The following COL23A1 variants were observed in gnomAD, a reference collection of about 807,000 sequenced individuals.
COL23A1 encodes the protein collagen type XXIII alpha 1 chain.
A neutral mutation model predicts 99.3 loss-of-function variants in COL23A1; 97 were observed. The observed-to-expected ratio is 0.98, with a 90% CI of 0.83 to 1.16. COL23A1 has a LOEUF of 1.16. Among genes scored for constraint, COL23A1 ranks in the 50% most tolerant of loss-of-function variants. The pLI is 0.00. For synonymous variants in COL23A1, 320 were observed against 308.2 expected, an observed-to-expected ratio of 1.04 and a Z score of -0.40; for missense variants, 762 against 757.4, an observed-to-expected ratio of 1.01 and a Z score of -0.07.
At chr5:178,454,535 G>A (rs1242889207) in intron 2 of COL23A1, among the ~76,000 whole-genome samples, 1 of 152,180 alleles carries the variant, frequency 6.6e-6, no homozygotes, top group Non-Finnish European at 1.5e-5. Context: ...TCCTGGCAAG[G>A]CATTTAACAT....
chr5:178,588,331 C>T (rs1480663953), intron 1 of COL23A1, among the ~76,000 whole-genome samples: 2 of 152,178 alleles, frequency 1.3e-5, no homozygotes, highest in African/African-American at 4.8e-5. Flanking sequence ...AAAATAGACA[C>T]AATTTGTAGT....
chr5:178,265,747 GT>G (rs1484653362), intron 8 of COL23A1: 1 of 982,296 alleles, frequency 1.0e-6, no homozygotes, highest in East Asian at 1.1e-4. Flanking sequence ...GATAGGTTGT[GT>G]GGTCAGAAAG....
chr5:178,365,136 C>CGT lies in COL23A1; in HGVS notation c.362-58219_362-58218dup, dbSNP rs55995523. Among the ~76,000 whole-genome samples the CGT allele has an allele frequency of 0.022, 3,197 of 147,864 alleles. 57 individuals carry two copies. Among genetic ancestry groups the CGT allele is most frequent in the African/African-American group, 0.048 (1,945 of 40,168 alleles). On this transcript the variant is annotated intron_variant, in intron 2 of 28. Coordinates refer to ENST00000390654, the MANE Select transcript of COL23A1 (RefSeq NM_173465.4). The surrounding 1 kb of genome is among the most constrained non-coding windows in gnomAD (Gnocchi z 5.2). The stretch of plus-strand genomic sequence containing the variant: ...GGGCTTTATGATGTTGCTGTGTGTG[C>CGT]GTGTGTGTGTGTGTGTGTGTGTGTG...
At chr5:178,575,248 A>C (rs60235494) in intron 1 of COL23A1, among the ~76,000 whole-genome samples, 20,915 of 152,140 alleles carry the variant, frequency 0.14, 2,003 homozygotes, top group East Asian at 0.39. Context: ...CACAAAACTA[A>C]GGGATAATTG....
At chr5:178,305,649 C>G (rs1168185233) in intron 3 of COL23A1, among the ~76,000 whole-genome samples, 1 of 151,944 alleles carries the variant, frequency 6.6e-6, no homozygotes, top group Non-Finnish European at 1.5e-5. Context: ...GGTGGGAGTC[C>G]AGGTAGAGGA....
chr5:178,528,785 G>T (rs1374022394), intron 2 of COL23A1, among the ~76,000 whole-genome samples: 1 of 152,216 alleles, frequency 6.6e-6, no homozygotes, highest in Non-Finnish European at 1.5e-5. Flanking sequence ...ACTCCAGCCT[G>T]GGCAACAAGA....
At chr5:178,509,459 G>A (rs1427452058) in intron 2 of COL23A1, among the ~76,000 whole-genome samples, 1 of 152,070 alleles carries the variant, frequency 6.6e-6, no homozygotes, top group African/African-American at 2.4e-5. Context: ...CTGACCTTGT[G>A]ATCCATCCGC....
At chr5:178,482,571 C>A (rs575672388) in intron 2 of COL23A1, among the ~76,000 whole-genome samples, 84 of 152,284 alleles carry the variant, frequency 5.5e-4, no homozygotes, top group African/African-American at 2.0e-3. Context: ...GTTAATGCCA[C>A]TGACCTGTAC....
intron 2 of COL23A1, among the ~76,000 whole-genome samples, chr5:178,331,327 G>T (rs1447492083): frequency 6.6e-5 from 10 of 152,232 alleles, no homozygotes. Context: ...CATGGAAGGT[G>T]GAGGCTTTGA....
At chr5:178,473,686 G>A (rs1260289450) in intron 2 of COL23A1, among the ~76,000 whole-genome samples, 2 of 151,916 alleles carry the variant, frequency 1.3e-5, no homozygotes, top group Non-Finnish European at 2.9e-5. Context: ...AGGGACGACT[G>A]ACTATACTGT....
At chr5:178,252,979 C>T (rs1187945752) in intron 16 of COL23A1, among the ~76,000 whole-genome samples, 1 of 152,172 alleles carries the variant, frequency 6.6e-6, no homozygotes, top group African/African-American at 2.4e-5. Flanking sequence ...ATGACATCCC[C>T]AATGGTGGCC....
At chr5:178,283,188 G>A (rs909075435) in intron 5 of COL23A1, among the ~76,000 whole-genome samples, 1 of 152,110 alleles carries the variant, frequency 6.6e-6, no homozygotes, top group Non-Finnish European at 1.5e-5. Context: ...GCCCGGCCGG[G>A]ACAAGTGATT....
At chr5:178,270,595 C>G (rs1756235240) in intron 5 of COL23A1, among the ~76,000 whole-genome samples, 1 of 152,198 alleles carries the variant, frequency 6.6e-6, no homozygotes, top group South Asian at 2.1e-4. Flanking sequence ...AAAGACCACC[C>G]CCCATCTCAA....
intron 3 of COL23A1, among the ~76,000 whole-genome samples, chr5:178,292,822 G>A (rs1421113162): frequency 6.6e-6 from 1 of 152,218 alleles, no homozygotes; most frequent in African/African-American, 2.4e-5. Flanking sequence ...CTTGGCTGAA[G>A]GGGTCAGAAG....
intron 2 of COL23A1, among the ~76,000 whole-genome samples, chr5:178,494,949 C>T (rs1216284894): frequency 1.3e-5 from 2 of 152,198 alleles, no homozygotes; most frequent in Non-Finnish European, 2.9e-5. Flanking sequence ...ATGTGGATGG[C>T]ATCAAATGGT....
chr5:178,420,235 A>T (rs972957142), intron 2 of COL23A1, among the ~76,000 whole-genome samples: 2 of 151,902 alleles, frequency 1.3e-5, no homozygotes, highest in Admixed American at 6.6e-5. Flanking sequence ...AAATGGGGGG[A>T]ATAGATGCAC....
intron 2 of COL23A1, among the ~76,000 whole-genome samples, chr5:178,348,854 C>A (rs573539055): frequency 6.6e-6 from 1 of 152,304 alleles, no homozygotes; most frequent in South Asian, 2.1e-4. Context: ...CCCAGGCCAA[C>A]CCCCCAGCAG....
In COL23A1 at chr5:178,514,784, C is replaced by T. The variant is rs148913924; in HGVS notation, c.361+45898G>A. Among the ~76,000 whole-genome samples, 482 of 152,348 alleles carry T rather than the reference C, an allele frequency of 3.2e-3. 4 individuals are homozygous for T. Among genetic ancestry groups the T allele is most frequent in the African/African-American group, 0.011 (473 of 41,586 alleles). ...AATACCACATTCCAGGAACTAGTCA[C>T]GTTTTCCCAGGCTCAGAATCCCAAT... On this transcript the variant is annotated intron_variant, in intron 2 of 28. Coordinates refer to ENST00000390654, the MANE Select transcript of COL23A1 (RefSeq NM_173465.4).
intron 11 of COL23A1, 95 bp from the exon 12 acceptor site, chr5:178,259,842 T>A: frequency 8.4e-7 from 1 of 1,193,278 alleles, no homozygotes; most frequent in Non-Finnish European, 1.2e-6. Flanking sequence ...GAAGTGGCAC[T>A]GATGACCCGT....
Sources: gnomAD v4.1 joint callset for allele counts (sites outside exome capture counted in the v4.1 genomes callset) on GRCh38, gnomAD v4.1.1 for gene constraint, Gnocchi (gnomAD v3.1) non-coding constraint, MANE v1.5 for transcripts, NCBI Gene and HGNC (gene_info 2026-07-23, HGNC 2026-07-21) for gene names.